CNTNAP5: variants seen among roughly 807,000 people sequenced by gnomAD.
CNTNAP5 encodes contactin associated protein family member 5.
In CNTNAP5, 72 loss-of-function variants were observed where a neutral mutation model predicts 150.2. That is an observed-to-expected ratio of 0.48 (90% CI 0.40 to 0.58). The LOEUF (loss-of-function observed/expected upper bound fraction) is 0.58. CNTNAP5 is among the 20% of genes least tolerant of loss of function. The pLI is 0.00. For synonymous variants in CNTNAP5, 672 were observed against 619.8 expected, an observed-to-expected ratio of 1.08 and a Z score of -1.25; for missense variants, 1,636 against 1,626.2, an observed-to-expected ratio of 1.01 and a Z score of -0.10.
intron 3 of CNTNAP5, among the ~76,000 whole-genome samples, chr2:124,256,786 A>C (rs1359843061): frequency 6.6e-6 from 1 of 152,196 alleles, no homozygotes; most frequent in Non-Finnish European, 1.5e-5. Flanking sequence ...TCTTTGGGTT[A>C]GTTTTAAACT....
intron 11 of CNTNAP5, among the ~76,000 whole-genome samples, chr2:124,608,869 C>A (rs1044375518): frequency 2.0e-5 from 3 of 151,222 alleles, no homozygotes; most frequent in Non-Finnish European, 4.4e-5. Context: ...CTCTTGAACC[C>A]GGGAGGCGAG....
chr2:124,304,208 A>G (rs1412195960), intron 3 of CNTNAP5, among the ~76,000 whole-genome samples: 1 of 152,186 alleles, frequency 6.6e-6, no homozygotes, highest in Non-Finnish European at 1.5e-5. Flanking sequence ...TAACTAGGCA[A>G]ATCATTAGAA....
chr2:124,886,372 A>T (rs1558813663), intron 21 of CNTNAP5, among the ~76,000 whole-genome samples: 3 of 152,094 alleles, frequency 2.0e-5, no homozygotes, highest in African/African-American at 4.8e-5. Flanking sequence ...GACAGTGAGC[A>T]GCTGCCTTAC....
At chr2:124,149,859 T>C (rs1353526481) in intron 1 of CNTNAP5, among the ~76,000 whole-genome samples, 1 of 152,232 alleles carries the variant, frequency 6.6e-6, no homozygotes, top group African/African-American at 2.4e-5. Context: ...TTGGCATCCG[T>C]GAACAGTGCA....
chr2:124,492,950 T>A (rs1004715998), intron 7 of CNTNAP5, among the ~76,000 whole-genome samples: 1 of 152,182 alleles, frequency 6.6e-6, no homozygotes, highest in Non-Finnish European at 1.5e-5. Context: ...TTGGATTTTT[T>A]AATAATTTTA....
intron 12 of CNTNAP5, among the ~76,000 whole-genome samples, chr2:124,613,578 A>T (rs1297331836): frequency 6.6e-6 from 1 of 152,204 alleles, no homozygotes; most frequent in Non-Finnish European, 1.5e-5. Context: ...ATGTCATGGG[A>T]CTGAAGATGG....
chr2:124,764,977 T>A (rs1291870702), intron 16 of CNTNAP5, among the ~76,000 whole-genome samples: 1 of 152,214 alleles, frequency 6.6e-6, no homozygotes, highest in South Asian at 2.1e-4. Flanking sequence ...AAATTTAAGT[T>A]TTTTCATATG....
intron 1 of CNTNAP5, among the ~76,000 whole-genome samples, chr2:124,210,673 T>G (rs1685983932): frequency 6.6e-6 from 1 of 152,164 alleles, no homozygotes; most frequent in African/African-American, 2.4e-5. Context: ...TGAAGCAAAC[T>G]TTCTAAAATA....
In CNTNAP5 at chr2:124,504,462, T is replaced by G. The variant is rs1196976155; in HGVS notation, c.1233T>G (p.Ser411=). The stretch of plus-strand genomic sequence containing the variant: ...GTCTGCTTCTGTCCACAGAGCTGTC[T>G]GAGGGCTCGGGAACCCTGCTGCTGA... ...KDGLLLSTEL[S]EGSGTLLLSL... The change falls in exon 8 of 24, where the codon TCT becomes TCG. Residue 411 remains serine (S), a synonymous_variant. Coordinates refer to ENST00000682447, the MANE Select transcript of CNTNAP5 (RefSeq NM_001367498.1). 6.2e-7 allele frequency: 1 copy of G among 1,613,870 alleles called. No individual in the cohort carries two copies. The highest frequency in any genetic ancestry group is 8.5e-7 in the Non-Finnish European group (1 of 1,179,844).
chr2:124,044,102 G>T (rs531064281), intron 1 of CNTNAP5, among the ~76,000 whole-genome samples: 9 of 152,180 alleles, frequency 5.9e-5, no homozygotes, highest in African/African-American at 2.2e-4. Context: ...TTTTCATTCA[G>T]AGTACATTGA....
intron 1 of CNTNAP5, among the ~76,000 whole-genome samples, chr2:124,050,963 A>G (rs149065614): frequency 6.2e-4 from 94 of 152,284 alleles, no homozygotes; most frequent in African/African-American, 2.2e-3. Context: ...TTAATCTCGG[A>G]TGTGTAGAGA....
At chr2:124,377,086 GA>G (rs1690666578) in intron 3 of CNTNAP5, among the ~76,000 whole-genome samples, 1 of 152,024 alleles carries the variant, frequency 6.6e-6, no homozygotes, top group Non-Finnish European at 1.5e-5. Flanking sequence ...AAAGAAGTTG[GA>G]AAAAATCTTT....
At position 124,399,290 on chromosome 2, in the gene CNTNAP5, A is replaced by C. The variant is rs2104756547; in HGVS notation, c.382-18153A>C. On this transcript the variant is annotated intron_variant, in intron 3 of 23. Transcript: ENST00000682447. ...GTGGGTTATTATGTGGTTTTGCCAA[A>C]GGCTGTCAGTGAGCTTACATCTTCT... 2.6e-5 allele frequency among the ~76,000 whole-genome samples: 4 copies of C among 152,296 alleles called. No homozygotes were observed. The South Asian group carries it at 8.3e-4, about 32-fold the overall frequency.
At chr2:124,171,919 G>GTT (rs1684943207) in intron 1 of CNTNAP5, among the ~76,000 whole-genome samples, 1 of 152,164 alleles carries the variant, frequency 6.6e-6, no homozygotes, top group Non-Finnish European at 1.5e-5. Context: ...TTGTCCTTGT[G>GTT]TACTCAAAGG....
chr2:124,772,813 A>G lies in CNTNAP5; in HGVS notation c.2548A>G (p.Thr850Ala). ...TCCGGTTTCAGCTCCTTCAGAGATC[A>G]CCTTTGCCATCGATGTTGGGAATGG... ...RLEISSPSEI[T>A]FAIDVGNGPV... Residue 850 changes from threonine to alanine, a missense_variant, in exon 17 of 24, where the codon ACC becomes GCC. Physicochemically the swap from Thr to Ala is moderately conservative, Grantham distance 58 (BLOSUM62 0). Coordinates refer to ENST00000682447, the MANE Select transcript of CNTNAP5 (RefSeq NM_001367498.1). The G allele has an allele frequency of 3.7e-6, 6 of 1,613,522 alleles. No individual in the cohort carries two copies. Among genetic ancestry groups the G allele is most frequent in the Non-Finnish European group, 5.1e-6 (6 of 1,179,574 alleles).
chr2:124,656,002 G>GAAAGAAAGAAA (rs1491550991), intron 13 of CNTNAP5, among the ~76,000 whole-genome samples: 1 of 86,438 alleles, frequency 1.2e-5, no homozygotes, highest in Non-Finnish European at 2.6e-5. Context: ...AAAGAAAAAA[G>GAAAGAAAGAAA]GAAGGAAGGA....
intron 2 of CNTNAP5, among the ~76,000 whole-genome samples, chr2:124,224,733 A>C (rs908577832): frequency 2.0e-5 from 3 of 152,132 alleles, no homozygotes; most frequent in African/African-American, 4.8e-5. Context: ...AAAACTTGAA[A>C]GTCATTATAT....
intron 1 of CNTNAP5, among the ~76,000 whole-genome samples, chr2:124,033,498 C>G (rs558916920): frequency 6.6e-6 from 1 of 152,242 alleles, no homozygotes; most frequent in African/African-American, 2.4e-5. Flanking sequence ...TTTCTTCTAT[C>G]TTGTGACCAT....
intron 13 of CNTNAP5, among the ~76,000 whole-genome samples, chr2:124,739,708 C>G (rs1311883615): frequency 6.6e-6 from 1 of 152,172 alleles, no homozygotes; most frequent in Non-Finnish European, 1.5e-5. Context: ...TTTACCTGCA[C>G]AAATTCTTTC....
Sources: gnomAD v4.1 joint callset for allele counts (sites outside exome capture counted in the v4.1 genomes callset) on GRCh38, gnomAD v4.1.1 for gene constraint, MANE v1.5 for transcripts, NCBI Gene and HGNC (gene_info 2026-07-23, HGNC 2026-07-21) for gene names.